F8: variants seen among roughly 807,000 people sequenced by gnomAD.
F8 encodes the protein antihemophilic factor.
Under a neutral mutation model 140.6 loss-of-function variants are expected in F8, and 12 were observed. The observed-to-expected ratio is 0.09, with a 90% CI of 0.05 to 0.14. F8 has a LOEUF of 0.14. Ranked by LOEUF, F8 falls within the 10% of genes least tolerant of loss-of-function variation. F8 has a pLI of 1.00. For missense variants in F8, 1,354 were observed against 1,720.7 expected, an observed-to-expected ratio of 0.79 and a Z score of 3.77; for synonymous variants, 585 against 614.6, an observed-to-expected ratio of 0.95 and a Z score of 0.71.
At chrX:154,939,595 C>T (rs1445587559) in intron 13 of F8, among the ~76,000 whole-genome samples, 1 of 112,794 alleles carries the variant, frequency 8.9e-6, no homozygotes. Context: ...GCGGGCAGGG[C>T]ACAGACAAAC....
chrX:155,004,169 G>A (rs1369777162), intron 1 of F8, among the ~76,000 whole-genome samples: 1 of 110,835 alleles, frequency 9.0e-6, no homozygotes, highest in African/African-American at 3.3e-5. Flanking sequence ...CAAGAAGAGA[G>A]TGCACTGACA....
chrX:154,921,431 G>C (rs1293620124), intron 14 of F8, among the ~76,000 whole-genome samples: 6 of 111,752 alleles, frequency 5.4e-5, no homozygotes, highest in African/African-American at 2.0e-4. Flanking sequence ...ACTGTTGGTG[G>C]GACTGTAAAC....
At chrX:154,899,837 ATT>A in intron 21 of F8, 27 bp downstream of exon 21, 1 of 1,154,296 alleles carries the variant, frequency 8.7e-7, no homozygotes, top group Non-Finnish European at 1.2e-6. Context: ...AATGTGATAC[ATT>A]TCCCATCATT....
chrX:155,011,032 C>T (rs192676314), intron 1 of F8, among the ~76,000 whole-genome samples: 2 of 111,674 alleles, frequency 1.8e-5, no homozygotes, highest in Admixed American at 9.5e-5. Flanking sequence ...TACAAGCAAC[C>T]AAAGGGGTAA....
At chrX:154,982,466 T>TAC (rs2073533914) in intron 6 of F8, among the ~76,000 whole-genome samples, 1 of 96,526 alleles carries the variant, frequency 1.0e-5, no homozygotes. Context: ...AAAAAAAAAA[T>TAC]ATATATATAT....
intron 1 of F8, among the ~76,000 whole-genome samples, chrX:155,007,948 T>C (rs1603437141): frequency 9.0e-6 from 1 of 111,059 alleles, no homozygotes; most frequent in East Asian, 2.8e-4. Context: ...CAGGACTTCA[T>C]TGTGATACCT....
chrX:154,953,859 C>T (rs782812512), intron 12 of F8, 33 bp downstream of exon 12: 2 of 1,209,224 alleles, frequency 1.7e-6, no homozygotes, highest in Non-Finnish European at 2.2e-6. Flanking sequence ...TCTTTATTCA[C>T]CACCCACTGG....
intron 25 of F8, among the ~76,000 whole-genome samples, chrX:154,847,798 T>C (rs1435648213): frequency 1.8e-5 from 2 of 113,284 alleles, no homozygotes; most frequent in Non-Finnish European, 3.7e-5. Context: ...TCAAAGTCAT[T>C]TTCTGTCCAG....
At chrX:154,856,886 T>C (rs1345686949) in intron 25 of F8, among the ~76,000 whole-genome samples, 6 of 112,253 alleles carry the variant, frequency 5.3e-5, no homozygotes, top group Non-Finnish European at 1.1e-4. Context: ...AATGTCACTG[T>C]GGTCCACCAG....
In F8 at chrX:154,847,754, G is replaced by T. The variant is rs782033320; in HGVS notation, c.6901-10002C>A. Among the ~76,000 whole-genome samples, 9 of 112,501 alleles carry T rather than the reference G, an allele frequency of 8.0e-5. 1 individual carries two copies. In the South Asian group the frequency reaches 2.9e-3, roughly 37 times the overall value. On this transcript the variant is annotated intron_variant, in intron 25 of 25. Coordinates refer to ENST00000360256, the MANE Select transcript of F8 (RefSeq NM_000132.4). ...GAACTTCCTCCTTTAGCTCAGAGAA[G>T]TTTGATCATCTGAAGCCTTCTTCTC...
At chrX:154,939,512 G>T (rs1557279509) in intron 13 of F8, among the ~76,000 whole-genome samples, 1 of 112,636 alleles carries the variant, frequency 8.9e-6, no homozygotes, top group Non-Finnish European at 1.9e-5. Context: ...AAACAAAGCG[G>T]CCGGGAAGCT....
At position 154,936,627 on chromosome X, in the gene F8, C is replaced by T. The variant is rs147450776; in HGVS notation, c.2114-4951G>A. Among the ~76,000 whole-genome samples, 344 of 111,820 alleles carry T rather than the reference C, an allele frequency of 3.1e-3. 2 individuals are homozygous for T. The highest frequency in any genetic ancestry group is 0.011 in the African/African-American group (336 of 30,856). On this transcript the variant is annotated intron_variant, in intron 13 of 25. Transcript: ENST00000360256. ...CAAATACAAAAATCAAAATAACAAA[C>T]TCAACAATCACAGAGATGTCACAGT... is the stretch of plus-strand genomic sequence containing the variant.
At chrX:155,002,981 A>G (rs181174426) in intron 1 of F8, among the ~76,000 whole-genome samples, 6 of 111,694 alleles carry the variant, frequency 5.4e-5, no homozygotes, top group Admixed American at 9.5e-5. Context: ...ATCTCACCAC[A>G]TCACTATGGG....
chrX:154,915,252 T>G (rs2073090066), intron 14 of F8, among the ~76,000 whole-genome samples: 1 of 111,761 alleles, frequency 8.9e-6, no homozygotes, highest in African/African-American at 3.3e-5. Context: ...CATGTGGGGA[T>G]TATGGGAACT....
chrX:154,880,438 G>T (rs781947765), intron 22 of F8, among the ~76,000 whole-genome samples: 50 of 111,335 alleles, frequency 4.5e-4, no homozygotes, highest in Non-Finnish European at 8.3e-4. Context: ...TTGAGGGAAA[G>T]CTGCACCAAA....
chrX:154,985,161 C>T (rs782122184), intron 5 of F8, among the ~76,000 whole-genome samples: 73 of 111,713 alleles, frequency 6.5e-4, no homozygotes, highest in Non-Finnish European at 1.1e-3. Context: ...AGGGGCCGGG[C>T]GCGGTGGCTC....
intron 25 of F8, among the ~76,000 whole-genome samples, chrX:154,857,995 C>T (rs2072662119): frequency 8.9e-6 from 1 of 111,785 alleles, no homozygotes; most frequent in African/African-American, 3.2e-5. Context: ...AAAAATTAGC[C>T]AGGCATGGTG....
At chrX:154,864,644 C>T (rs1041096385) in intron 22 of F8, among the ~76,000 whole-genome samples, 1 of 111,805 alleles carries the variant, frequency 8.9e-6, no homozygotes, top group African/African-American at 3.2e-5. Context: ...AAAAAAGAAC[C>T]AAATAAAAAT....
chrX:154,852,871 C>A (rs1453158443), intron 25 of F8, among the ~76,000 whole-genome samples: 1 of 111,436 alleles, frequency 9.0e-6, no homozygotes, highest in East Asian at 2.8e-4. Flanking sequence ...GAGACTCCGT[C>A]TCAAATCAAA....
Sources: allele counts gnomAD v4.1 joint callset (sites outside exome capture counted in the v4.1 genomes callset), GRCh38; gene constraint gnomAD v4.1.1; transcripts MANE v1.5; gene names NCBI Gene and HGNC (gene_info 2026-07-23, HGNC 2026-07-21).